The following C3orf20 variants were observed in gnomAD, a reference collection of about 807,000 sequenced individuals.
C3orf20 encodes uncharacterized protein C3orf20.
In C3orf20, 76 loss-of-function variants were observed where a neutral mutation model predicts 88.3. The ratio of observed to expected loss-of-function variants is 0.86; its 90% CI spans 0.72 to 1.04. The LOEUF (loss-of-function observed/expected upper bound fraction) is 1.04. Ranked by LOEUF, C3orf20 falls within the 50% of genes least tolerant of loss-of-function variation. C3orf20 has a pLI of 0.00. For missense variants in C3orf20, 1,056 were observed against 1,123.3 expected (o/e 0.94, Z 0.86); for synonymous variants, 436 against 437.4 (o/e 1.00, Z 0.04).
At chr3:14,760,856 C>T (rs2035540733) in intron 14 of C3orf20, among the ~76,000 whole-genome samples, 1 of 152,072 alleles carries the variant, frequency 6.6e-6, no homozygotes, top group East Asian at 1.9e-4. Context: ...GATCCGCCCA[C>T]CTTGACCTCC....
intron 7 of C3orf20, among the ~76,000 whole-genome samples, chr3:14,712,831 C>CA (rs2033803888): frequency 6.6e-6 from 1 of 152,078 alleles, no homozygotes; most frequent in Non-Finnish European, 1.5e-5. Flanking sequence ...TTTTGCAGGG[C>CA]AGGTCTACTA....
intron 1 of C3orf20, among the ~76,000 whole-genome samples, chr3:14,681,639 C>T (rs1471939633): frequency 6.6e-6 from 1 of 152,138 alleles, no homozygotes. Context: ...CTCATAAAGT[C>T]CCTTGGGAAT....
At chr3:14,761,358 G>T in intron 14 of C3orf20, 115 bp from the exon 15 acceptor site, 1 of 1,257,366 alleles carries the variant, frequency 8.0e-7, no homozygotes, top group Non-Finnish European at 1.1e-6. Context: ...CACGGCGTAA[G>T]CTCTGAGAGG....
intron 9 of C3orf20, among the ~76,000 whole-genome samples, chr3:14,719,016 T>G (rs1449561829): frequency 6.6e-6 from 1 of 152,246 alleles, no homozygotes; most frequent in Non-Finnish European, 1.5e-5. Context: ...GTGGCCTGCC[T>G]TCAGGCTAAA....
chr3:14,742,195 A>G (rs1038234653), intron 12 of C3orf20, among the ~76,000 whole-genome samples: 11 of 152,254 alleles, frequency 7.2e-5, no homozygotes, highest in African/African-American at 2.4e-4. Context: ...AGTAAGTAAC[A>G]TTAGTGATAT....
chr3:14,683,330 A>AATC (rs1457018553), intron 3 of C3orf20, 133 bp downstream of exon 3: 1 of 1,152,596 alleles, frequency 8.7e-7, no homozygotes, highest in African/African-American at 1.6e-5. Flanking sequence ...CGGCTCCTGG[A>AATC]ATCATCCTCT....
intron 12 of C3orf20, among the ~76,000 whole-genome samples, chr3:14,741,231 T>G (rs140932400): frequency 6.6e-6 from 1 of 152,140 alleles, no homozygotes; most frequent in Non-Finnish European, 1.5e-5. Context: ...CAGATAGATA[T>G]AGCTCTTCGG....
At chr3:14,734,890 C>G (rs185326102) in intron 12 of C3orf20, among the ~76,000 whole-genome samples, 156 of 152,060 alleles carry the variant, frequency 1.0e-3, no homozygotes, top group African/African-American at 3.7e-3. Context: ...TAGACAAATG[C>G]AAACTTAAAA....
chr3:14,730,502 C>G (rs1349713997), intron 12 of C3orf20, among the ~76,000 whole-genome samples: 3 of 152,034 alleles, frequency 2.0e-5, no homozygotes, highest in Non-Finnish European at 4.4e-5. Context: ...AGCCGAGATC[C>G]TGCCACTGCA....
rs536930283 is a variant in C3orf20, at chr3:14,705,983, TA to T, written c.1160+1366del. Among the ~76,000 whole-genome samples the T allele has an allele frequency of 6.2e-4, 95 of 152,250 alleles. 1 individual carries two copies. In the Middle Eastern group the frequency reaches 0.01, roughly 16 times the overall value. On this transcript the variant is annotated intron_variant, in intron 7 of 16. Transcript: ENST00000253697. ...TTATTTCCTCCAGTACAGAGCAGGG[TA>T]GAGGGAGATGGAAGTGGATCTCATT... is the stretch of plus-strand genomic sequence containing the variant.
intron 10 of C3orf20, among the ~76,000 whole-genome samples, chr3:14,725,085 A>G (rs964807212): frequency 7.2e-5 from 11 of 152,254 alleles, no homozygotes; most frequent in South Asian, 2.1e-4. Context: ...GAGTGCAAGC[A>G]TGTGTACTAT....
chr3:14,711,310 T>C (rs927779678), intron 7 of C3orf20, among the ~76,000 whole-genome samples: 2 of 152,202 alleles, frequency 1.3e-5, no homozygotes, highest in African/African-American at 4.8e-5. Context: ...TTTAATTCTG[T>C]CAGTTTTTAA....
Position 14,771,264 on chromosome 3 carries a change from C to A in C3orf20, c.2496-803C>A, listed in dbSNP as rs986430486. ...TCCTTGATGACGGGCTTCCCAGCCT[C>A]CAGAATGGAGAGGAACCTCTGTTGT... On this transcript the variant is annotated intron_variant, in intron 15 of 16. Coordinates refer to ENST00000253697, the MANE Select transcript of C3orf20 (RefSeq NM_032137.5). 1.6e-4 allele frequency among the ~76,000 whole-genome samples: 25 copies of A among 152,248 alleles called. 1 individual carries two copies. Among genetic ancestry groups the A allele is most frequent in the Non-Finnish European group, 5.9e-5 (4 of 68,046 alleles).
chr3:14,756,014 G>A (rs1193321032), intron 12 of C3orf20, among the ~76,000 whole-genome samples: 1 of 119,036 alleles, frequency 8.4e-6, no homozygotes, highest in Non-Finnish European at 1.6e-5. Flanking sequence ...GGGTGACAGA[G>A]CGAGACTCCA....
chr3:14,744,480 A>G (rs1277910791), intron 12 of C3orf20, among the ~76,000 whole-genome samples: 1 of 151,954 alleles, frequency 6.6e-6, no homozygotes, highest in Non-Finnish European at 1.5e-5. Flanking sequence ...AAACTGTTCC[A>G]ACCTTTGTCT....
At chr3:14,726,600 C>T (rs2034355941) in intron 10 of C3orf20, among the ~76,000 whole-genome samples, 1 of 152,242 alleles carries the variant, frequency 6.6e-6, no homozygotes, top group South Asian at 2.1e-4. Flanking sequence ...ACACAGCTGT[C>T]ACTTGGCAAA....
chr3:14,678,189 A>G (rs536173911), intron 1 of C3orf20, among the ~76,000 whole-genome samples: 1 of 152,158 alleles, frequency 6.6e-6, no homozygotes, highest in South Asian at 2.1e-4. Flanking sequence ...TTTTCTACCT[A>G]ACAATTACTG....
chr3:14,690,240 A>G (rs546149890), intron 5 of C3orf20, 124 bp downstream of exon 5: 13 of 1,338,862 alleles, frequency 9.7e-6, no homozygotes, highest in Non-Finnish European at 1.3e-5. Context: ...AGAAGGATAC[A>G]TAGCGGCTCT....
intron 10 of C3orf20, among the ~76,000 whole-genome samples, chr3:14,724,245 T>C (rs1252296703): frequency 6.6e-6 from 1 of 152,234 alleles, no homozygotes; most frequent in Non-Finnish European, 1.5e-5. Flanking sequence ...AGGCAACGGA[T>C]ATTAGAAAAT....
Sources: allele counts gnomAD v4.1 joint callset (sites outside exome capture counted in the v4.1 genomes callset), GRCh38; gene constraint gnomAD v4.1.1; transcripts MANE v1.5; gene names NCBI Gene and HGNC (gene_info 2026-07-23, HGNC 2026-07-21).